RABGAP1L: variants seen among roughly 807,000 people sequenced by gnomAD.
RABGAP1L encodes the protein RAB GTPase activating protein 1 like.
A neutral mutation model predicts 137.7 loss-of-function variants in RABGAP1L; 63 were observed. The ratio of observed to expected loss-of-function variants is 0.46; its 90% CI spans 0.37 to 0.56. The LOEUF is 0.56. Ranked by LOEUF, RABGAP1L falls within the 20% of genes least tolerant of loss-of-function variation. The pLI is 0.00. For missense variants in RABGAP1L, 1,095 were observed against 1,244.0 expected, an observed-to-expected ratio of 0.88 and a Z score of 1.80; for synonymous variants, 431 against 433.7, an observed-to-expected ratio of 0.99 and a Z score of 0.08.
At chr1:174,784,787 T>G (rs1687330513) in intron 18 of RABGAP1L, among the ~76,000 whole-genome samples, 1 of 152,192 alleles carries the variant, frequency 6.6e-6, no homozygotes, top group South Asian at 2.1e-4. Flanking sequence ...TACCTGGTAC[T>G]AGGCTTTTAC....
chr1:174,670,558 T>A (rs906727889), intron 14 of RABGAP1L, among the ~76,000 whole-genome samples: 1 of 152,278 alleles, frequency 6.6e-6, no homozygotes, highest in South Asian at 2.1e-4. Flanking sequence ...CAACTACCCT[T>A]TTCAGCCTCT....
Position 174,990,062 on chromosome 1 carries a change from C to A in RABGAP1L, c.*61C>A. On this transcript the variant is annotated 3_prime_UTR_variant, in exon 26 of 26. Transcript: ENST00000681986. ...AAACCAATGGAAATCTGGGAGGATT[C>A]TTCCTGGTGTCCCTTTGAAGGAAAG... 1 of 1,443,234 alleles carries A rather than the reference C, an allele frequency of 6.9e-7. No individual in the cohort carries two copies. 89.4% of individuals were successfully genotyped at this position (1,443,234 alleles called of 1,614,324 possible).
At chr1:174,956,958 T>C (rs1037224707) in intron 19 of RABGAP1L, among the ~76,000 whole-genome samples, 1 of 152,192 alleles carries the variant, frequency 6.6e-6, no homozygotes, top group African/African-American at 2.4e-5. Context: ...CATTTTAGAA[T>C]ATTTCTTGTA....
chr1:174,440,507 T>A (rs1169809130), intron 13 of RABGAP1L, among the ~76,000 whole-genome samples: 1 of 152,208 alleles, frequency 6.6e-6, no homozygotes, highest in Non-Finnish European at 1.5e-5. Flanking sequence ...TCTGAATGCG[T>A]AAGCCTTTTG....
chr1:174,645,740 G>A (rs536264631), intron 14 of RABGAP1L, among the ~76,000 whole-genome samples: 2 of 152,186 alleles, frequency 1.3e-5, no homozygotes, highest in East Asian at 3.9e-4. Flanking sequence ...ATCCAGTAAT[G>A]GGGTGGCTGG....
At chr1:174,465,569 CTT>C (rs963309813) in intron 13 of RABGAP1L, among the ~76,000 whole-genome samples, 2 of 152,026 alleles carry the variant, frequency 1.3e-5, no homozygotes, top group East Asian at 1.9e-4. Flanking sequence ...ATGATAAACT[CTT>C]TTCTCATAGA....
At chr1:174,692,638 T>A (rs1297790403) in intron 15 of RABGAP1L, among the ~76,000 whole-genome samples, 1 of 152,130 alleles carries the variant, frequency 6.6e-6, no homozygotes, top group Non-Finnish European at 1.5e-5. Flanking sequence ...TTCCAGCAAA[T>A]CATTTTAACA....
At chr1:174,591,620 A>C (rs1238143485) in intron 13 of RABGAP1L, among the ~76,000 whole-genome samples, 8 of 45,504 alleles carry the variant, frequency 1.8e-4, no homozygotes, top group Non-Finnish European at 2.3e-4. Context: ...TCCTTTCCCC[A>C]TTGCTTGTTT....
At chr1:174,484,894 CTT>C (rs764643347) in intron 13 of RABGAP1L, among the ~76,000 whole-genome samples, 4 of 152,074 alleles carry the variant, frequency 2.6e-5, no homozygotes, top group East Asian at 3.8e-4. Context: ...TGAAGAATAT[CTT>C]TGGTATTTTG....
At chr1:174,935,389 A>T (rs1359437055) in intron 19 of RABGAP1L, 1 of 152,202 alleles carries the variant, frequency 6.6e-6, no homozygotes, top group African/African-American at 2.4e-5. Flanking sequence ...ATAAACATAT[A>T]CCCACTCACA....
intron 19 of RABGAP1L, among the ~76,000 whole-genome samples, chr1:174,954,684 G>A (rs192399074): frequency 6.6e-6 from 1 of 152,298 alleles, no homozygotes; most frequent in African/African-American, 2.4e-5. Context: ...CTGGTGTCCA[G>A]TGGTATGGTA....
chr1:174,758,022 C>A (rs75823391), intron 18 of RABGAP1L, among the ~76,000 whole-genome samples: 99 of 130,054 alleles, frequency 7.6e-4, no homozygotes, highest in Middle Eastern at 3.9e-3. Context: ...GACTCCATCT[C>A]AAAAAAAAAA....
At chr1:174,833,450 A>AGATATATATATATCTCTAC (rs1491124776) in intron 19 of RABGAP1L, among the ~76,000 whole-genome samples, 2 of 25,610 alleles carry the variant, frequency 7.8e-5, no homozygotes, top group African/African-American at 8.9e-5. Flanking sequence ...GTGTGTAGAG[A>AGATATATATATATCTCTAC]TATATATATA....
At chr1:174,600,124 C>A (rs1391768640) in intron 13 of RABGAP1L, among the ~76,000 whole-genome samples, 11 of 152,102 alleles carry the variant, frequency 7.2e-5, no homozygotes. Flanking sequence ...GAGAAAGAAG[C>A]AAAAGCAGAA....
At chr1:174,468,834 A>G (rs1237861836) in intron 13 of RABGAP1L, among the ~76,000 whole-genome samples, 2 of 152,174 alleles carry the variant, frequency 1.3e-5, no homozygotes, top group African/African-American at 2.4e-5. Context: ...GCAGGATGCC[A>G]TACGTGGTAG....
chr1:174,398,442 G>A (rs925920459), intron 13 of RABGAP1L, among the ~76,000 whole-genome samples: 13 of 152,162 alleles, frequency 8.5e-5, no homozygotes, highest in African/African-American at 2.9e-4. Flanking sequence ...CTATCTGGGG[G>A]CTTACCATGA....
chr1:174,212,123 A>G (rs1411590547), intron 1 of RABGAP1L, among the ~76,000 whole-genome samples: 1 of 152,108 alleles, frequency 6.6e-6, no homozygotes, highest in African/African-American at 2.4e-5. Flanking sequence ...TTATAGACCA[A>G]ATGGACCTCA....
At chr1:174,887,457 T>C (rs1199881063) in intron 19 of RABGAP1L, among the ~76,000 whole-genome samples, 1 of 152,176 alleles carries the variant, frequency 6.6e-6, no homozygotes, top group Non-Finnish European at 1.5e-5. Context: ...CATTATTCAT[T>C]TTACTGGAAA....
intron 15 of RABGAP1L, 53 bp from the exon 16 acceptor site, chr1:174,699,472 A>G: frequency 1.3e-6 from 2 of 1,543,928 alleles, no homozygotes; most frequent in African/African-American, 1.4e-5. Flanking sequence ...CTTTTTTGAC[A>G]TTCTGGCAAA....
Sources: gnomAD v4.1 joint callset for allele counts (sites outside exome capture counted in the v4.1 genomes callset) on GRCh38, gnomAD v4.1.1 for gene constraint, MANE v1.5 for transcripts, NCBI Gene and HGNC (gene_info 2026-07-23, HGNC 2026-07-21) for gene names.